The following DNHD1 variants were observed in gnomAD, a reference collection of about 807,000 sequenced individuals.
DNHD1 encodes dynein heavy chain domain 1.
In DNHD1, 383 loss-of-function variants were observed where a neutral mutation model predicts 458.1. The observed-to-expected ratio is 0.84, with a 90% CI of 0.77 to 0.91. DNHD1 has a LOEUF of 0.91. Ranked by LOEUF, DNHD1 falls within the 40% of genes least tolerant of loss-of-function variation. The pLI is 0.00. For missense variants in DNHD1, 5,336 were observed against 5,866.1 expected, an observed-to-expected ratio of 0.91 and a Z score of 2.95; for synonymous variants, 2,203 against 2,376.9, an observed-to-expected ratio of 0.93 and a Z score of 2.13.
intron 24 of DNHD1, among the ~76,000 whole-genome samples, chr11:6,555,302 G>A (rs958542890): frequency 2.6e-5 from 4 of 151,892 alleles, no homozygotes; most frequent in South Asian, 2.1e-4. Flanking sequence ...CTGATCTCCC[G>A]GCTCATTATG....
At chr11:6,540,176 T>A in intron 18 of DNHD1, 93 bp downstream of exon 18, 1 of 1,138,612 alleles carries the variant, frequency 8.8e-7, no homozygotes, top group Non-Finnish European at 1.3e-6. Context: ...TCTGATTCTC[T>A]AGCCAGGGCC....
Position 6,568,809 on chromosome 11 carries a change from G to C in DNHD1, c.12806G>C (p.Gly4269Ala). ...TQALPLLLLH[G>A]LLLHRQLYGT... ...GCACTACCTCTGCTCCTCCTCCATG[G>C]CCTCCTGCTACACCGGCAGCTCTAT... The change falls in exon 39 of 43, where the codon GGC becomes GCC. Residue 4269 changes from glycine (G) to alanine (A), a missense_variant. Transcript: ENST00000254579. The C allele has an allele frequency of 6.2e-7, 1 of 1,613,200 alleles. No individual in the cohort carries two copies. Among genetic ancestry groups the C allele is most frequent in the Non-Finnish European group, 8.5e-7 (1 of 1,179,674 alleles).
chr11:6,548,907 T>G lies in DNHD1; in HGVS notation c.7361T>G (p.Leu2454Arg), dbSNP rs1192537120. The G allele has an allele frequency of 5.2e-6, 8 of 1,551,594 alleles. No individual in the cohort carries two copies. The highest frequency in any genetic ancestry group is 7.0e-6 in the Non-Finnish European group (8 of 1,147,006). ...TCTAAACCCTCCCTCCTCTTCTTGC[T>G]GGAGGACCTGCACCTAGCCACTTCT... is the stretch of plus-strand genomic sequence containing the variant. ...QDSKPSLLFL[L>R]EDLHLATSDP... Residue 2454 changes from leucine (L) to arginine (R), a missense_variant, in exon 24 of 43, where the codon CTG (leucine) becomes CGG (arginine). Leu to Arg is a moderately radical substitution (Grantham distance 102). Coordinates refer to ENST00000254579, the MANE Select transcript of DNHD1 (RefSeq NM_144666.3). This position sits in a 1 kb window ranked among gnomAD's most constrained non-coding sequence, Gnocchi z 4.4.
intron 18 of DNHD1, among the ~76,000 whole-genome samples, chr11:6,540,937 T>C (rs978304574): frequency 2.0e-5 from 3 of 152,254 alleles, no homozygotes; most frequent in Non-Finnish European, 2.9e-5. Flanking sequence ...TTTAACCTAA[T>C]GACAAGAGCT....
Position 6,497,845 on chromosome 11 carries a change from G to T in DNHD1, c.-371G>T, listed in dbSNP as rs1424138217. ...TTGCCTCCTAACCCCCCTAGGCCAG[G>T]TGAGGGGGACAGGGTACTGGGAGGT... On this transcript the variant is annotated 5_prime_UTR_variant, in exon 3 of 43. Transcript: ENST00000254579. 1.8e-5 allele frequency: 4 copies of T among 225,892 alleles called. No homozygotes were observed. The highest frequency in any genetic ancestry group is 6.8e-5 in the African/African-American group (3 of 44,064). The allele number at this position is 225,892 out of a possible 1,614,324, so 14.0% of individuals were successfully genotyped here.
chr11:6,508,626 T>C (rs1288734518), intron 4 of DNHD1: 2 of 466,212 alleles, frequency 4.3e-6, no homozygotes, highest in Non-Finnish European at 7.6e-6. Flanking sequence ...ATATCTGCAT[T>C]TGAAGATATG....
rs145615971 is a variant in DNHD1 at position 6,498,252 on chromosome 11, G to T, written c.37G>T (p.Asp13Tyr). ...GGAGAGGAGGGTAGGTTTGTCTTCT[G>T]ATGAGACATCATCTGATTCCCTTAA... ...PEERRVGLSSDETSSDSLKSW... is the reference protein window; with the variant it reads ...PEERRVGLSSYETSSDSLKSW... The change falls in exon 3 of 43, where the codon GAT becomes TAT. Residue 13 changes from aspartate (D) to tyrosine (Y), a missense_variant. Asp to Tyr is a radical substitution (Grantham distance 160, BLOSUM62 -3). Coordinates refer to ENST00000254579, the MANE Select transcript of DNHD1 (RefSeq NM_144666.3). 26 of 1,614,126 alleles carry T rather than the reference G, an allele frequency of 1.6e-5. No individual in the cohort carries two copies. The highest frequency in any genetic ancestry group is 2.2e-5 in the Non-Finnish European group (26 of 1,179,990).
Position 6,562,138 on chromosome 11 carries a change from G to A in DNHD1, c.9520-844G>A, listed in dbSNP as rs576222403. On this transcript the variant is annotated intron_variant, in intron 28 of 42. Transcript: ENST00000254579. Reference sequence around the variant, plus strand: ...TGACATTGGGAAGGGCAGTGGACACGAGAGGCATTTAGGAGGTAGAATTGA... The same window carrying A: ...TGACATTGGGAAGGGCAGTGGACACAAGAGGCATTTAGGAGGTAGAATTGA... 3.9e-5 allele frequency among the ~76,000 whole-genome samples: 6 copies of A among 152,256 alleles called. 1 individual carries two copies. Among genetic ancestry groups the A allele is most frequent in the Middle Eastern group, 6.8e-3 (2 of 294 alleles).
At chr11:6,513,874 C>T (rs1589868926) in intron 7 of DNHD1, among the ~76,000 whole-genome samples, 1 of 151,690 alleles carries the variant, frequency 6.6e-6, no homozygotes, top group South Asian at 2.1e-4. Flanking sequence ...GACGGAGTCT[C>T]ATTCTGTCGC....
chr11:6,508,032 T>C (rs1401761162), intron 4 of DNHD1, among the ~76,000 whole-genome samples: 1 of 152,208 alleles, frequency 6.6e-6, no homozygotes, highest in East Asian at 1.9e-4. Flanking sequence ...TTATAGGACT[T>C]AGGATACAGC....
chr11:6,500,154 A>G (rs1237110184), intron 3 of DNHD1, among the ~76,000 whole-genome samples: 1 of 151,908 alleles, frequency 6.6e-6, no homozygotes, highest in Non-Finnish European at 1.5e-5. Flanking sequence ...CAGTAGAGAC[A>G]GTGTTTCGCC....
chr11:6,564,027 C>T lies in DNHD1; in HGVS notation c.10187C>T (p.Ala3396Val). Residue 3396 changes from alanine to valine, a missense_variant, in exon 31 of 43, where the codon GCA becomes GTA. Physicochemically the swap from Ala to Val is moderately conservative, Grantham distance 64 (BLOSUM62 0). Coordinates refer to ENST00000254579, the MANE Select transcript of DNHD1 (RefSeq NM_144666.3). ...EDAQASHNCV[A>V]KTLSQAQCGQ... ...GCCCAAGCTTCCCACAACTGCGTGG[C>T]AAAGACCCTCAGTCAAGCACAGTGT... 3 of 1,551,738 alleles carry T rather than the reference C, an allele frequency of 1.9e-6. No homozygotes were observed. The highest frequency in any genetic ancestry group is 2.6e-6 in the Non-Finnish European group (3 of 1,147,004).
At chr11:6,526,897 G>C (rs572896539) in intron 10 of DNHD1, among the ~76,000 whole-genome samples, 1 of 152,298 alleles carries the variant, frequency 6.6e-6, no homozygotes, top group Non-Finnish European at 1.5e-5. Context: ...GTAAATGCTT[G>C]ATGACTGTTT....
intron 24 of DNHD1, among the ~76,000 whole-genome samples, chr11:6,555,430 G>A (rs1293113179): frequency 6.6e-6 from 1 of 152,174 alleles, no homozygotes; most frequent in African/African-American, 2.4e-5. Flanking sequence ...AGGACTCTCT[G>A]GTCACAGGTC....
chr11:6,560,193 T>G (rs777998002), intron 28 of DNHD1, among the ~76,000 whole-genome samples: 4 of 152,172 alleles, frequency 2.6e-5, no homozygotes, highest in African/African-American at 7.2e-5. Context: ...TTCAGAGCAG[T>G]GAACTAGTGC....
In DNHD1 at chr11:6,571,371, G is replaced by A; in HGVS notation, c.13859G>A (p.Ser4620Asn). The A allele has an allele frequency of 1.2e-6, 2 of 1,612,176 alleles. No homozygotes were observed. Among genetic ancestry groups the A allele is most frequent in the Non-Finnish European group, 1.7e-6 (2 of 1,179,234 alleles). ...NFPGSRGSVS[S>N]QLQYKRLEMN... ...CCTGGTAGCCGAGGCTCGGTCTCCAGTCAGCTCCAGTATAAACGTCTGGAG... is the reference window on the plus strand; with the variant it reads ...CCTGGTAGCCGAGGCTCGGTCTCCAATCAGCTCCAGTATAAACGTCTGGAG... Residue 4620 changes from serine to asparagine, a missense_variant, in exon 42 of 43, where the codon AGT (serine) becomes AAT (asparagine). Ser to Asn is a conservative substitution (Grantham distance 46). This residue lies in a region of DNHD1 where 698 missense variants were observed against 664.9 expected (regional missense o/e 1.05). Coordinates refer to ENST00000254579, the MANE Select transcript of DNHD1 (RefSeq NM_144666.3). The surrounding 1 kb of genome is among the most constrained non-coding windows in gnomAD (Gnocchi z 5.0).
rs765313782 is a variant in DNHD1, at chr11:6,566,664, C to G, written c.11284C>G (p.Leu3762Val). 6 of 1,613,482 alleles carry G rather than the reference C, an allele frequency of 3.7e-6. No individual in the cohort carries two copies. Among genetic ancestry groups the G allele is most frequent in the Non-Finnish European group, 5.1e-6 (6 of 1,179,760 alleles). ...LNMEILEEQM[L>V]HEILCREYPE... is the part of the protein sequence containing the mutation. ...CATGGAAATACTGGAAGAACAGATG[C>G]TGCATGAAATCTTGTGCAGAGAGTA... The change falls in exon 35 of 43, where the codon CTG becomes GTG. Residue 3762 changes from leucine (L) to valine (V), a missense_variant. Leu to Val is a conservative substitution (Grantham distance 32). Around this residue, in one of 4 missense-constraint regions of DNHD1, gnomAD observed 695 missense variants for 804.2 expected, o/e 0.86. Transcript: ENST00000254579.
intron 18 of DNHD1, among the ~76,000 whole-genome samples, chr11:6,540,778 T>C (rs368017036): frequency 1.6e-4 from 24 of 152,182 alleles, no homozygotes; most frequent in African/African-American, 5.6e-4. Flanking sequence ...TCCAAGATGA[T>C]ATAGCTAGGG....
rs780934118 is a variant in DNHD1 at position 6,498,841 on chromosome 11, CT to C, written c.627del (p.Val210CysfsTer71). On this transcript the variant is annotated frameshift_variant, in exon 3 of 43. Transcript: ENST00000254579. LOFTEE classifies it high-confidence loss of function. ...GGTGCTCAGGTGGCCCTAGAAGAGG[CT>C]GTGTGGCTGGATGGACTTAGTCTCC... The part of the protein sequence containing the change: ...IVGAQVALEE[A>X]VWLDGLSLLP... 5.0e-6 allele frequency: 8 copies of C among 1,614,250 alleles called. No homozygotes were observed. The Admixed American group carries it at 8.3e-5, about 17-fold the overall frequency.
Sources: allele counts gnomAD v4.1 joint callset (sites outside exome capture counted in the v4.1 genomes callset), GRCh38; gene constraint gnomAD v4.1.1; regional missense constraint gnomAD v4.1.1; non-coding constraint Gnocchi (gnomAD v3.1); transcripts MANE v1.5; gene names NCBI Gene and HGNC (gene_info 2026-07-23, HGNC 2026-07-21).